The following PALD1 variants were observed in gnomAD, a reference collection of about 807,000 sequenced individuals.
The protein encoded by PALD1 is paladin.
PALD1 carries 57 observed loss-of-function variants against 96.0 expected under a neutral mutation model. The observed-to-expected ratio is 0.59, with a 90% confidence interval of 0.48 to 0.74. PALD1 has a LOEUF of 0.74. PALD1 is among the 30% of genes least tolerant of loss of function. The pLI, the probability that PALD1 is intolerant of heterozygous loss-of-function variation, is 0.00. For missense variants in PALD1, 1,063 were observed against 1,143.7 expected (o/e 0.93, Z 1.02); for synonymous variants, 464 against 473.6 (o/e 0.98, Z 0.26).
In PALD1 at chr10:70,529,970, C is replaced by T. The variant is rs757787452; in HGVS notation, c.370C>T (p.Arg124Trp). 6 of 1,612,832 alleles carry T rather than the reference C, an allele frequency of 3.7e-6. No homozygotes were observed. The highest frequency in any genetic ancestry group is 4.2e-6 in the Non-Finnish European group (5 of 1,179,410). ...GGGAAGCTGTGGGGCCCCCAACTTC[C>T]GGCAGGTGCAGGGTGGGCTCACTGT... is the stretch of plus-strand genomic sequence containing the variant. Reference protein sequence around the residue: ...TVGSCGAPNFRQVQGGLTVFG... With the variant: ...TVGSCGAPNFWQVQGGLTVFG... Residue 124 changes from arginine to tryptophan, a missense_variant, in exon 4 of 20, where the codon CGG (arginine) becomes TGG (tryptophan). Physicochemically the swap from Arg to Trp is moderately radical, Grantham distance 101. Coordinates refer to ENST00000263563, the MANE Select transcript of PALD1 (RefSeq NM_014431.3).
chr10:70,555,966 A>G (rs1847601002), intron 18 of PALD1, among the ~76,000 whole-genome samples: 1 of 152,160 alleles, frequency 6.6e-6, no homozygotes, highest in Admixed American at 6.5e-5. Flanking sequence ...GCACCACTGC[A>G]CTCCAGCCTG....
intron 9 of PALD1, 37 bp from the exon 10 acceptor site, chr10:70,534,702 C>G (rs372378319): frequency 1.9e-5 from 25 of 1,342,618 alleles, no homozygotes; most frequent in African/African-American, 1.2e-4. Flanking sequence ...CCCCACCCCC[C>G]CACCTCCCTC....
At position 70,530,025 on chromosome 10, in the gene PALD1, G is replaced by A; in HGVS notation, c.425G>A (p.Gly142Glu). 4 of 1,560,776 alleles carry A rather than the reference G, an allele frequency of 2.6e-6. No homozygotes were observed. The highest frequency in any genetic ancestry group is 2.6e-6 in the Non-Finnish European group (3 of 1,155,070). Reference protein sequence around the residue: ...VFGMGQPSLSGFRRVLQKLQK... With the variant: ...VFGMGQPSLSEFRRVLQKLQK... ...GGCATGGGACAGCCCAGCCTCTCAG[G>A]GTTCAGGCGGGTCCTCCAGAAACTC... The change falls in exon 4 of 20, where the codon GGG becomes GAG. Residue 142 changes from glycine (G) to glutamate (E), a missense_variant. Gly to Glu is a moderately conservative substitution (Grantham distance 98, BLOSUM62 -2). Coordinates refer to ENST00000263563, the MANE Select transcript of PALD1 (RefSeq NM_014431.3).
chr10:70,535,239 G>A (rs763157458), intron 10 of PALD1, among the ~76,000 whole-genome samples: 3 of 152,260 alleles, frequency 2.0e-5, no homozygotes, highest in African/African-American at 4.8e-5. Flanking sequence ...GCTCTAGGCT[G>A]TCTCAGCAGA....
chr10:70,469,832 C>T, the PALD1 span, among the ~76,000 whole-genome samples: 3 of 152,154 alleles, frequency 2.0e-5, no homozygotes, highest in African/African-American at 2.4e-5. Context: ...CTCGCTCTGT[C>T]GCCCAGGCTG....
At chr10:70,465,880 G>A in the PALD1 span, among the ~76,000 whole-genome samples, 2 of 152,184 alleles carry the variant, frequency 1.3e-5, no homozygotes, top group African/African-American at 4.8e-5. Flanking sequence ...TACCCCCTGA[G>A]GCCCCAGTTT....
intron 18 of PALD1, among the ~76,000 whole-genome samples, chr10:70,559,229 GGA>G (rs1847682054): frequency 6.6e-6 from 1 of 152,158 alleles, no homozygotes; most frequent in Non-Finnish European, 1.5e-5. Flanking sequence ...ACCTGAAGGA[GGA>G]GCTGTGCTGG....
intron 10 of PALD1, among the ~76,000 whole-genome samples, chr10:70,537,021 C>T (rs986678400): frequency 9.2e-5 from 14 of 152,172 alleles, no homozygotes; most frequent in African/African-American, 3.4e-4. Context: ...CTCCGTTTCC[C>T]TCTGTAAATT....
chr10:70,555,441 G>A (rs998331050), intron 18 of PALD1, among the ~76,000 whole-genome samples: 1 of 152,182 alleles, frequency 6.6e-6, no homozygotes, highest in African/African-American at 2.4e-5. Flanking sequence ...CCAACTCCTC[G>A]ACTTGCATCC....
chr10:70,508,784 C>CGTGTGT (rs111850326), intron 1 of PALD1, among the ~76,000 whole-genome samples: 6,775 of 99,250 alleles, frequency 0.068, 171 homozygotes, highest in East Asian at 0.21. Context: ...CTCTGTATGG[C>CGTGTGT]GTGTGTGTGT....
Position 70,533,080 on chromosome 10 carries a change from G to T in PALD1, c.870+10G>T, listed in dbSNP as rs1847029357. 1 of 1,566,904 alleles carries T rather than the reference G, an allele frequency of 6.4e-7. No individual in the cohort carries two copies. Among genetic ancestry groups the T allele is most frequent in the Non-Finnish European group, 8.7e-7 (1 of 1,154,746 alleles). ...TGTCAGTGTTCTCCGGGTAACTGGG[G>T]CACGGGCGCGCATGGGGGAGGAGTC... On this transcript the variant is annotated intron_variant, in intron 7 of 19. Transcript: ENST00000263563.
intron 1 of PALD1, among the ~76,000 whole-genome samples, chr10:70,502,571 T>G (rs1846319586): frequency 6.6e-6 from 1 of 152,026 alleles, no homozygotes; most frequent in Non-Finnish European, 1.5e-5. Context: ...GTGGTTGAAG[T>G]GGAATGTATC....
chr10:70,508,843 C>CTGTGTGTGTGTGTGTGTGTG (rs61307157), intron 1 of PALD1, among the ~76,000 whole-genome samples: 1,484 of 94,604 alleles, frequency 0.016, 250 homozygotes, highest in African/African-American at 0.059. Flanking sequence ...GCTGCGGAAC[C>CTGTGTGTGTGTGTGTGTGTG]TGTGTGTGTG....
At chr10:70,471,769 T>C in the PALD1 span, among the ~76,000 whole-genome samples, 15 of 152,248 alleles carry the variant, frequency 9.9e-5, no homozygotes, top group Non-Finnish European at 1.9e-4. Flanking sequence ...GCATGGATAC[T>C]GCCAGAAAAG....
intron 1 of PALD1, among the ~76,000 whole-genome samples, chr10:70,500,268 G>C (rs1048084965): frequency 5.3e-5 from 8 of 152,130 alleles, no homozygotes; most frequent in African/African-American, 1.9e-4. Flanking sequence ...TACCCACCCT[G>C]TTGCTCAGGT....
chr10:70,564,662 C>A, intron 19 of PALD1, 143 bp downstream of exon 19: 1 of 758,238 alleles, frequency 1.3e-6, no homozygotes, highest in South Asian at 1.7e-5. Context: ...CTGCAGGAGG[C>A]TTCTGTTTGG....
chr10:70,481,180 G>T (rs1845925131), intron 1 of PALD1, among the ~76,000 whole-genome samples: 1 of 152,208 alleles, frequency 6.6e-6, no homozygotes, highest in Non-Finnish European at 1.5e-5. Context: ...CAAGTGCCTG[G>T]GCAGAATGGA....
chr10:70,470,540 A>T, the PALD1 span, among the ~76,000 whole-genome samples: 19 of 145,052 alleles, frequency 1.3e-4, no homozygotes, highest in African/African-American at 4.7e-4. Context: ...TTTATTATAT[A>T]ATAAATAATA....
chr10:70,539,059 C>T lies in PALD1; in HGVS notation c.1570-33C>T. ...CCCCAGTGGGTTTGGGGAGGGAGGG[C>T]TGAGCACTCACTGCCGGCCCTCCTG... On this transcript the variant is annotated intron_variant, in intron 13 of 19. Transcript: ENST00000263563. The surrounding 1 kb of genome is among the most constrained non-coding windows in gnomAD (Gnocchi z 4.5). The T allele has an allele frequency of 6.2e-6, 10 of 1,613,604 alleles. No homozygotes were observed. Among genetic ancestry groups the T allele is most frequent in the Non-Finnish European group, 8.5e-6 (10 of 1,179,760 alleles).
Sources: allele counts gnomAD v4.1 joint callset (sites outside exome capture counted in the v4.1 genomes callset), GRCh38; gene constraint gnomAD v4.1.1; non-coding constraint Gnocchi (gnomAD v3.1); transcripts MANE v1.5; gene names NCBI Gene and HGNC (gene_info 2026-07-23, HGNC 2026-07-21).